Variants in SHROOM3 observed in about 807,000 individuals in gnomAD.
SHROOM3 encodes protein Shroom3.
In SHROOM3, 47 loss-of-function variants were observed where a neutral mutation model predicts 138.6. The observed-to-expected ratio is 0.34, with a 90% CI of 0.27 to 0.43. SHROOM3 has a LOEUF of 0.43. Ranked by LOEUF, SHROOM3 falls within the 20% of genes least tolerant of loss-of-function variation. The pLI is 1.00. For synonymous variants in SHROOM3, 1,062 were observed against 1,063.3 expected, an observed-to-expected ratio of 1.00 and a Z score of 0.02; for missense variants, 2,491 against 2,596.5, an observed-to-expected ratio of 0.96 and a Z score of 0.88.
At position 76,496,345 on chromosome 4, in the gene SHROOM3, A is replaced by T. The variant is rs115881813; in HGVS notation, c.169-59264A>T. Among the ~76,000 whole-genome samples, 291 of 152,310 alleles carry T rather than the reference A, an allele frequency of 1.9e-3. 1 individual carries two copies. The highest frequency in any genetic ancestry group is 6.8e-3 in the Middle Eastern group (2 of 294). On this transcript the variant is annotated intron_variant, in intron 1 of 10. Transcript: ENST00000296043. The stretch of plus-strand genomic sequence containing the variant: ...CTGTTACCTGCCCCAAGTCCCAGAG[A>T]TGCCATCACTTCCTGTGTCAGGCCT...
intron 2 of SHROOM3, among the ~76,000 whole-genome samples, chr4:76,642,561 G>A (rs1000252566): frequency 5.9e-5 from 9 of 152,204 alleles, no homozygotes; most frequent in African/African-American, 1.9e-4. Flanking sequence ...GGGGAATAGT[G>A]AATGGACCAT....
intron 1 of SHROOM3, among the ~76,000 whole-genome samples, chr4:76,555,316 T>C (rs537261652): frequency 6.6e-6 from 1 of 152,024 alleles, no homozygotes; most frequent in South Asian, 2.1e-4. Flanking sequence ...TGGGGAGATG[T>C]CCTGAGCACC....
At chr4:76,725,616 G>A (rs528321359) in intron 3 of SHROOM3, among the ~76,000 whole-genome samples, 12 of 152,206 alleles carry the variant, frequency 7.9e-5, no homozygotes, top group East Asian at 1.9e-4. Flanking sequence ...GCCCGATCCC[G>A]TGTGTCACCT....
intron 1 of SHROOM3, among the ~76,000 whole-genome samples, chr4:76,528,544 C>CTTTTTTTTTTTTTTTTTTT (rs146962643): frequency 9.7e-6 from 1 of 103,454 alleles, no homozygotes; most frequent in East Asian, 3.0e-4. Context: ...ATCTTTCTTT[C>CTTTTTTTTTTTTTTTTTTT]TTTCTTTTTT....
chr4:76,574,598 A>T (rs1733900056), intron 2 of SHROOM3, among the ~76,000 whole-genome samples: 1 of 152,230 alleles, frequency 6.6e-6, no homozygotes, highest in Non-Finnish European at 1.5e-5. Flanking sequence ...TTAGCTACAT[A>T]AACTCAAATC....
At position 76,780,094 on chromosome 4, in the gene SHROOM3, C is replaced by T. The variant is rs1419450517; in HGVS notation, c.*917C>T. On this transcript the variant is annotated 3_prime_UTR_variant, in exon 11 of 11. Coordinates refer to ENST00000296043, the MANE Select transcript of SHROOM3 (RefSeq NM_020859.4). ...ATTCAAACGGAGCCCATGCTGTTCT[C>T]CTGAACAAGATTTGGGCTAAATACG... 6.6e-6 allele frequency: 1 copy of T among 152,116 alleles called. No individual in the cohort carries two copies. The highest frequency in any genetic ancestry group is 1.5e-5 in the Non-Finnish European group (1 of 68,018). 9.4% of individuals were successfully genotyped at this position (152,116 alleles called of 1,614,324 possible). A position where few individuals can be genotyped will look rare whatever the true frequency, so the allele number is the denominator to read the frequency against.
intron 3 of SHROOM3, among the ~76,000 whole-genome samples, chr4:76,710,819 G>A (rs531378584): frequency 3.3e-5 from 5 of 152,136 alleles, no homozygotes; most frequent in Non-Finnish European, 7.4e-5. Context: ...CCATGTGCTA[G>A]GTGTCCTGGC....
intron 2 of SHROOM3, among the ~76,000 whole-genome samples, chr4:76,606,715 C>A (rs559403428): frequency 1.3e-5 from 2 of 152,142 alleles, no homozygotes; most frequent in African/African-American, 2.4e-5. Context: ...AAAATAAATA[C>A]ATACATACAT....
In SHROOM3 at chr4:76,739,138, A is replaced by C. The variant is rs962270438; in HGVS notation, c.965A>C (p.Glu322Ala). 6.2e-7 allele frequency: 1 copy of C among 1,614,048 alleles called. No homozygotes were observed. The highest frequency in any genetic ancestry group is 1.3e-5 in the African/African-American group (1 of 74,920). The change falls in exon 5 of 11, where the codon GAG (glutamate) becomes GCG (alanine). Residue 322 changes from glutamate to alanine, a missense_variant. Around this residue, in one of 4 missense-constraint regions of SHROOM3, gnomAD observed 1,733 missense variants for 1,661.6 expected, o/e 1.04. Coordinates refer to ENST00000296043, the MANE Select transcript of SHROOM3 (RefSeq NM_020859.4). ...CGGAGGGGAGTCTCAGCAGAGTATGAGGTGAACTCTTCAGCCCTGCTGCTT... is the reference window on the plus strand; with the variant it reads ...CGGAGGGGAGTCTCAGCAGAGTATGCGGTGAACTCTTCAGCCCTGCTGCTT... ...DTRRGVSAEY[E>A]VNSSALLLQG...
At chr4:76,498,887 A>G (rs1732025815) in intron 1 of SHROOM3, among the ~76,000 whole-genome samples, 1 of 152,156 alleles carries the variant, frequency 6.6e-6, no homozygotes, top group Non-Finnish European at 1.5e-5. Context: ...TTGGAGTCCT[A>G]TAGAAGGCAG....
chr4:76,490,733 G>A (rs1731832026), intron 1 of SHROOM3, among the ~76,000 whole-genome samples: 1 of 152,102 alleles, frequency 6.6e-6, no homozygotes, highest in South Asian at 2.1e-4. Flanking sequence ...CCTCATATAT[G>A]TTACCCACCT....
chr4:76,710,212 C>T lies in SHROOM3; in HGVS notation c.380C>T (p.Pro127Leu), dbSNP rs1166109067. ...ADTGASNFVSPEHLTSGPQHR... is the reference protein window; with the variant it reads ...ADTGASNFVSLEHLTSGPQHR... ...ACTGGTGCCTCTAACTTCGTCAGCC[C>T]AGAACACCTCACCTCTGGCCCCCAG... The change falls in exon 3 of 11, where the codon CCA becomes CTA. Residue 127 changes from proline (P) to leucine (L), a missense_variant. By Grantham distance (98) the Pro-to-Leu change is moderately conservative (BLOSUM62 -3). Around this residue, in one of 4 missense-constraint regions of SHROOM3, gnomAD observed 284 missense variants for 322.8 expected, o/e 0.88. Transcript: ENST00000296043. 1 of 1,614,014 alleles carries T rather than the reference C, an allele frequency of 6.2e-7. No individual in the cohort carries two copies. The highest frequency in any genetic ancestry group is 2.2e-5 in the East Asian group (1 of 44,892).
At chr4:76,689,529 C>T in intron 2 of SHROOM3, 1 of 983,946 alleles carries the variant, frequency 1.0e-6, no homozygotes, top group Non-Finnish European at 1.2e-6. Context: ...GCTGTAGCCG[C>T]GGCGCGGTGG....
intron 1 of SHROOM3, among the ~76,000 whole-genome samples, chr4:76,554,656 G>C (rs914894762): frequency 2.0e-5 from 3 of 152,006 alleles, no homozygotes; most frequent in Non-Finnish European, 4.4e-5. Context: ...TTCTGACCCT[G>C]TGATCTGCCA....
chr4:76,473,616 G>GA (rs1397968609), intron 1 of SHROOM3, among the ~76,000 whole-genome samples: 4 of 150,924 alleles, frequency 2.7e-5, no homozygotes, highest in Non-Finnish European at 5.9e-5. Flanking sequence ...CTCAAAAAAA[G>GA]AAAAAAAAGA....
intron 1 of SHROOM3, among the ~76,000 whole-genome samples, chr4:76,478,012 C>A (rs1345843908): frequency 6.6e-6 from 1 of 152,186 alleles, no homozygotes; most frequent in African/African-American, 2.4e-5. Flanking sequence ...GTGCCTACAC[C>A]ACCAGGGCCC....
chr4:76,773,565 G>A (rs1272066504), intron 10 of SHROOM3, among the ~76,000 whole-genome samples: 2 of 152,148 alleles, frequency 1.3e-5, no homozygotes, highest in South Asian at 2.1e-4. Context: ...AGCCATTATG[G>A]GCCTCTTTCT....
chr4:76,778,190 G>A (rs980249985), intron 10 of SHROOM3, among the ~76,000 whole-genome samples: 2 of 150,868 alleles, frequency 1.3e-5, no homozygotes, highest in Non-Finnish European at 1.5e-5. Context: ...GAGAACCACC[G>A]TATTCATGTA....
At chr4:76,646,066 C>T (rs973972276) in intron 2 of SHROOM3, among the ~76,000 whole-genome samples, 21 of 151,728 alleles carry the variant, frequency 1.4e-4, no homozygotes, top group African/African-American at 5.1e-4. Flanking sequence ...ATTTCATTTT[C>T]AGAACCCGTT....
Sources: allele counts gnomAD v4.1 joint callset (sites outside exome capture counted in the v4.1 genomes callset), GRCh38; gene constraint gnomAD v4.1.1; regional missense constraint gnomAD v4.1.1; transcripts MANE v1.5; gene names NCBI Gene and HGNC (gene_info 2026-07-23, HGNC 2026-07-21).